Variants in SLC44A1 observed in about 807,000 individuals in gnomAD.
The protein encoded by SLC44A1 is solute carrier family 44 member 1.
Under a neutral mutation model 79.3 loss-of-function variants are expected in SLC44A1, and 26 were observed. The ratio of observed to expected loss-of-function variants is 0.33; its 90% confidence interval spans 0.24 to 0.46. The LOEUF is 0.46. Among genes scored for constraint, SLC44A1 ranks in the 20% least tolerant of loss-of-function variants. The pLI, the probability that SLC44A1 is intolerant of heterozygous loss-of-function variation, is 1.00. For synonymous variants in SLC44A1, 263 were observed against 286.2 expected (o/e 0.92, Z 0.82); for missense variants, 688 against 798.1 (o/e 0.86, Z 1.66).
At chr9:105,273,541 A>G (rs899617970) in intron 1 of SLC44A1, among the ~76,000 whole-genome samples, 1 of 152,196 alleles carries the variant, frequency 6.6e-6, no homozygotes, top group Non-Finnish European at 1.5e-5. Flanking sequence ...ATGTAAACTC[A>G]GGATGCTGGG....
At chr9:105,356,117 T>G in intron 5 of SLC44A1, 95 bp from the exon 6 acceptor site, 1 of 922,576 alleles carries the variant, frequency 1.1e-6, no homozygotes, top group Non-Finnish European at 1.7e-6. Context: ...TGGAGTGTAT[T>G]GCAGCCATAT....
At chr9:105,329,715 C>T (rs1160446262) in intron 3 of SLC44A1, among the ~76,000 whole-genome samples, 2 of 152,094 alleles carry the variant, frequency 1.3e-5, no homozygotes, top group East Asian at 3.9e-4. Context: ...GATACCCCAT[C>T]CTATAGTCGA....
intron 13 of SLC44A1, among the ~76,000 whole-genome samples, chr9:105,380,789 CT>C (rs917118613): frequency 2.6e-5 from 4 of 152,114 alleles, no homozygotes; most frequent in African/African-American, 9.7e-5. Context: ...GAGACATAGT[CT>C]TTATCAGCAC....
At chr9:105,286,108 A>AT (rs1294367164) in intron 1 of SLC44A1, among the ~76,000 whole-genome samples, 5 of 152,130 alleles carry the variant, frequency 3.3e-5, no homozygotes, top group Admixed American at 1.3e-4. Context: ...CTCAAAAAAA[A>AT]TTTTTTATTT....
rs748447655 is a variant in SLC44A1 at position 105,366,334 on chromosome 9, T to C, written c.1411-12T>C. On this transcript the variant is annotated splice_polypyrimidine_tract_variant and intron_variant, in intron 11 of 15. Coordinates refer to ENST00000374720, the MANE Select transcript of SLC44A1 (RefSeq NM_080546.5). ...TTGGTTTTTTTATTATTTCCATTTT[T>C]CCCCCATCCAGGAAAATGCTTGTGC... 2.7e-5 allele frequency: 39 copies of C among 1,430,832 alleles called. No individual in the cohort carries two copies. Among genetic ancestry groups the C allele is most frequent in the Non-Finnish European group, 3.4e-5 (37 of 1,075,558 alleles). 88.6% of individuals were successfully genotyped at this position (1,430,832 alleles called of 1,614,324 possible). A position where few individuals can be genotyped will look rare whatever the true frequency, so the allele number is the denominator to read the frequency against.
chr9:105,341,018 T>A (rs1163427879), intron 4 of SLC44A1, among the ~76,000 whole-genome samples: 1 of 152,128 alleles, frequency 6.6e-6, no homozygotes, highest in Non-Finnish European at 1.5e-5. Context: ...CAAAGGCTTT[T>A]AAAGGCAGAC....
At chr9:105,411,829 C>T (rs1829098916) in intron 15 of SLC44A1, among the ~76,000 whole-genome samples, 1 of 152,192 alleles carries the variant, frequency 6.6e-6, no homozygotes, top group African/African-American at 2.4e-5. Flanking sequence ...TCAGGAGGCA[C>T]ATGATCTCGT....
At chr9:105,261,693 A>G (rs777283167) in intron 1 of SLC44A1, among the ~76,000 whole-genome samples, 1 of 151,722 alleles carries the variant, frequency 6.6e-6, no homozygotes, top group Non-Finnish European at 1.5e-5. Flanking sequence ...GTAAGTGTGC[A>G]GTCTGTTAAG....
intron 3 of SLC44A1, among the ~76,000 whole-genome samples, chr9:105,324,159 G>T (rs183307307): frequency 6.6e-6 from 1 of 151,290 alleles, no homozygotes; most frequent in Non-Finnish European, 1.5e-5. Context: ...CCGCCACCAC[G>T]CCCGGCTAAT....
chr9:105,304,941 A>C (rs1588757360), intron 2 of SLC44A1, among the ~76,000 whole-genome samples: 2 of 34,074 alleles, frequency 5.9e-5, no homozygotes, highest in African/African-American at 8.8e-5. Flanking sequence ...TAGACTTTCT[A>C]TCGTTTTTTT....
Position 105,392,403 on chromosome 9 carries a change from CTTTTTTTTTTTTTT to C in SLC44A1, c.*3361_*3374del, listed in dbSNP as rs57226567. The C allele has an allele frequency of 3.3e-6, 2 of 610,888 alleles. No individual in the cohort carries two copies. Among genetic ancestry groups the C allele is most frequent in the African/African-American group, 4.0e-5 (1 of 24,866 alleles). The allele number at this position is 610,888 out of a possible 1,614,324, so 37.8% of individuals were successfully genotyped here. A position where few individuals can be genotyped will look rare whatever the true frequency, so the allele number is the denominator to read the frequency against. Reference sequence around the variant, plus strand: ...GTAGAGATGCTCTCTCTCTCTCTCTCTTTTTTTTTTTTTTTTTTTTTTTTTTTCCGTGAGGGCAT... The same window carrying C: ...GTAGAGATGCTCTCTCTCTCTCTCTCTTTTTTTTTTTTTCCGTGAGGGCAT... On this transcript the variant is annotated 3_prime_UTR_variant, in exon 16 of 16. Coordinates refer to ENST00000374720, the MANE Select transcript of SLC44A1 (RefSeq NM_080546.5).
intron 1 of SLC44A1, among the ~76,000 whole-genome samples, chr9:105,298,881 CTCT>C (rs888080486): frequency 1.4e-4 from 22 of 152,122 alleles, no homozygotes; most frequent in Non-Finnish European, 2.2e-4. Flanking sequence ...TAAGCCTGGT[CTCT>C]TCCTTATGAC....
At chr9:105,287,113 A>T (rs1049902016) in intron 1 of SLC44A1, among the ~76,000 whole-genome samples, 4 of 152,188 alleles carry the variant, frequency 2.6e-5, no homozygotes, top group African/African-American at 9.7e-5. Flanking sequence ...TTATATGATA[A>T]GTTATTTATT....
In SLC44A1 at chr9:105,314,448, C is replaced by T. The variant is rs550958354; in HGVS notation, c.269+4582C>T. Reference sequence around the variant, plus strand: ...TCCCTCATTCTTCAAACAGTCCTAACACAGAGCTTAGTGTCTACTTTCTTT... The same window carrying T: ...TCCCTCATTCTTCAAACAGTCCTAATACAGAGCTTAGTGTCTACTTTCTTT... On this transcript the variant is annotated intron_variant, in intron 3 of 15. Transcript: ENST00000374720. Among the ~76,000 whole-genome samples, 117 of 152,318 alleles carry T rather than the reference C, an allele frequency of 7.7e-4. 1 individual carries two copies. The highest frequency in any genetic ancestry group is 2.8e-3 in the African/African-American group (115 of 41,564).
chr9:105,360,071 A>G (rs1827734920), intron 7 of SLC44A1, among the ~76,000 whole-genome samples: 1 of 152,080 alleles, frequency 6.6e-6, no homozygotes, highest in Non-Finnish European at 1.5e-5. Context: ...GTCCGCAGCT[A>G]CCTCTCTGCC....
intron 1 of SLC44A1, among the ~76,000 whole-genome samples, chr9:105,268,456 TAAG>T (rs1250903547): frequency 6.6e-6 from 1 of 152,190 alleles, no homozygotes; most frequent in Non-Finnish European, 1.5e-5. Context: ...ACATTTACTC[TAAG>T]TAGACTATCC....
rs1828753296 is a variant in SLC44A1 at position 105,391,095 on chromosome 9, GTA to G, written c.*2041_*2042del. 1 of 985,656 alleles carries G rather than the reference GTA, an allele frequency of 1.0e-6. No homozygotes were observed. The highest frequency in any genetic ancestry group is 1.7e-5 in the African/African-American group (1 of 57,198). 61.1% of individuals were successfully genotyped at this position (985,656 alleles called of 1,614,324 possible). On this transcript the variant is annotated 3_prime_UTR_variant, in exon 16 of 16. Coordinates refer to ENST00000374720, the MANE Select transcript of SLC44A1 (RefSeq NM_080546.5). The stretch of plus-strand genomic sequence containing the variant: ...GAATTGGCAAAAGTCTAGAAGATGG[GTA>G]TCAAAACAGAAGACATTCCAGGAGC...
chr9:105,365,127 A>G (rs1827899841), intron 10 of SLC44A1, among the ~76,000 whole-genome samples: 1 of 152,212 alleles, frequency 6.6e-6, no homozygotes, highest in South Asian at 2.1e-4. Context: ...TTTAGGTCTC[A>G]TAATTTTCTA....
intron 1 of SLC44A1, among the ~76,000 whole-genome samples, chr9:105,251,421 G>GT (rs967492494): frequency 1.3e-5 from 2 of 152,082 alleles, no homozygotes; most frequent in Non-Finnish European, 2.9e-5. Context: ...AGATCTCTCC[G>GT]TAACTGTTCA....
Sources: allele counts gnomAD v4.1 joint callset (sites outside exome capture counted in the v4.1 genomes callset), GRCh38; gene constraint gnomAD v4.1.1; transcripts MANE v1.5; gene names NCBI Gene and HGNC (gene_info 2026-07-23, HGNC 2026-07-21).